The following TRMT2B variants were observed in gnomAD, a reference collection of about 807,000 sequenced individuals.
The protein encoded by TRMT2B is tRNA (uracil-5-)-methyltransferase homolog B.
A neutral mutation model predicts 39.7 loss-of-function variants in TRMT2B; 34 were observed. The observed-to-expected ratio is 0.86, with a 90% CI of 0.65 to 1.14. TRMT2B has a LOEUF of 1.14. TRMT2B is among the 50% of genes most tolerant of loss of function. The probability of loss-of-function intolerance (pLI) is 0.00; values close to 1 mark genes in which losing one functional copy is unlikely to be tolerated. For missense variants in TRMT2B, 318 were observed against 377.2 expected (o/e 0.84, Z 1.30); for synonymous variants, 132 against 137.3 (o/e 0.96, Z 0.27).
At chrX:101,008,495 G>A (rs1032111713), downstream of TRMT2B, among the ~76,000 whole-genome samples, 3 of 110,952 alleles carry the variant, frequency 2.7e-5, no homozygotes, top group Non-Finnish European at 5.7e-5. Flanking sequence ...GGTGGCAGGC[G>A]CCTGTAATCC....
In TRMT2B at chrX:101,037,962, G is replaced by C. The variant is rs749126995; in HGVS notation, c.393C>G (p.Pro131=). 8.3e-7 allele frequency: 1 copy of C among 1,207,790 alleles called. No homozygotes were observed. Among genetic ancestry groups the C allele is most frequent in the South Asian group, 1.8e-5 (1 of 56,704 alleles). ...LNGVSVTTAV[P]KSERLSCLLH... ...GAAGACAAGAGAGCCTCTCAGATTT[G>C]GGTACAGCCGTTGTCACACTGACTC... is the stretch of plus-strand genomic sequence containing the variant. Residue 131 remains proline (P), a synonymous_variant, in exon 5 of 14, where the codon CCC becomes CCG. Coordinates refer to ENST00000372936, the MANE Select transcript of TRMT2B (RefSeq NM_024917.6).
chrX:101,032,018 G>A (rs1192626545), intron 7 of TRMT2B, among the ~76,000 whole-genome samples: 2 of 111,215 alleles, frequency 1.8e-5, no homozygotes, highest in Non-Finnish European at 1.9e-5. Context: ...AGAGGGGACC[G>A]GGGGTGCCTA....
the TRMT2B span, chrX:100,990,346 AG>A: frequency 1.1e-6 from 1 of 927,018 alleles, no homozygotes; most frequent in Non-Finnish European, 1.3e-6. Flanking sequence ...AGAAAGTAAA[AG>A]AAAGTAACAG....
chrX:101,015,861 G>C (rs1191761990), intron 13 of TRMT2B, among the ~76,000 whole-genome samples: 1 of 111,245 alleles, frequency 9.0e-6, no homozygotes, highest in Non-Finnish European at 1.9e-5. Context: ...TCTGACGTCA[G>C]GAGTTTGAGA....
intron 7 of TRMT2B, among the ~76,000 whole-genome samples, chrX:101,025,846 C>T (rs2087040537): frequency 9.0e-6 from 1 of 110,613 alleles, no homozygotes; most frequent in East Asian, 2.8e-4. Flanking sequence ...GTAATCCCAG[C>T]TACTTGGGAG....
chrX:100,990,023 A>G, the TRMT2B span, among the ~76,000 whole-genome samples: 828 of 112,901 alleles, frequency 7.3e-3, 8 homozygotes, highest in African/African-American at 0.025. Flanking sequence ...TTTCCTTTCT[A>G]TAACTCCAGA....
chrX:101,005,458 T>C (rs1883358002), downstream of TRMT2B, among the ~76,000 whole-genome samples: 1 of 110,283 alleles, frequency 9.1e-6, no homozygotes, highest in Non-Finnish European at 1.9e-5. Flanking sequence ...GAATTGGCCA[T>C]AAAAAACATT....
chrX:101,011,765 G>A (rs748122992), intron 13 of TRMT2B, among the ~76,000 whole-genome samples: 4 of 110,916 alleles, frequency 3.6e-5, no homozygotes, highest in African/African-American at 6.6e-5. Context: ...ATGGTGGCTC[G>A]CACCTGTAGT....
chrX:101,017,535 T>A (rs1242909409), intron 13 of TRMT2B, among the ~76,000 whole-genome samples: 5 of 112,049 alleles, frequency 4.5e-5, no homozygotes, highest in Admixed American at 9.6e-5. Context: ...TTTATACCTG[T>A]CTGTTGTTTC....
At chrX:101,015,289 G>C (rs1167030229) in intron 13 of TRMT2B, among the ~76,000 whole-genome samples, 1 of 111,607 alleles carries the variant, frequency 9.0e-6, no homozygotes, top group Non-Finnish European at 1.9e-5. Flanking sequence ...CCATGTGAAA[G>C]GGTATATATA....
At chrX:101,027,376 C>T (rs947454275) in intron 7 of TRMT2B, among the ~76,000 whole-genome samples, 1 of 108,004 alleles carries the variant, frequency 9.3e-6, no homozygotes, top group African/African-American at 3.4e-5. Context: ...GGACTACAGG[C>T]GCACGCCAAC....
In TRMT2B at chrX:101,023,495, G is replaced by C. The variant is rs1333474968; in HGVS notation, c.731C>G (p.Thr244Ser). 5 of 1,209,851 alleles carry C rather than the reference G, an allele frequency of 4.1e-6. No individual in the cohort carries two copies. In the South Asian group the frequency reaches 7.0e-5, roughly 17 times the overall value. Reference protein sequence around the residue: ...NSQGHTMAIITFHPQKLSQEE... With the variant: ...NSQGHTMAIISFHPQKLSQEE... Reference sequence around the variant, plus strand: ...CTGACTTAATTTCTGGGGATGGAAAGTGATGATAGCCATTGTGTGCCCTTG... The same window carrying C: ...CTGACTTAATTTCTGGGGATGGAAACTGATGATAGCCATTGTGTGCCCTTG... Residue 244 changes from threonine (T) to serine (S), a missense_variant, in exon 8 of 14, where the codon ACT becomes AGT. By Grantham distance (58) the Thr-to-Ser change is moderately conservative. Coordinates refer to ENST00000372936, the MANE Select transcript of TRMT2B (RefSeq NM_024917.6).
chrX:101,036,775 G>A lies in TRMT2B; in HGVS notation c.538+199C>T, dbSNP rs370307665. ...TATGGCTTTTAGAGGAAGAAAGGGC[G>A]AGGGTTGCATTTTCTATCACTGTGT... On this transcript the variant is annotated intron_variant, in intron 6 of 13. Coordinates refer to ENST00000372936, the MANE Select transcript of TRMT2B (RefSeq NM_024917.6). 9.8e-5 allele frequency among the ~76,000 whole-genome samples: 11 copies of A among 111,837 alleles called. No homozygotes were observed. In the South Asian group the frequency reaches 1.1e-3, roughly 11 times the overall value.
chrX:101,000,753 C>T, the TRMT2B span, among the ~76,000 whole-genome samples: 2 of 109,470 alleles, frequency 1.8e-5, no homozygotes, highest in Non-Finnish European at 3.8e-5. Flanking sequence ...AAAAATCCAA[C>T]GTGATTCTCA....
At chrX:101,050,372 A>G (rs1289844492) in intron 2 of TRMT2B, among the ~76,000 whole-genome samples, 1 of 111,904 alleles carries the variant, frequency 8.9e-6, no homozygotes, top group Non-Finnish European at 1.9e-5. Flanking sequence ...TCTTAATGTC[A>G]GGGGAGACAT....
At position 101,042,094 on chromosome X, in the gene TRMT2B, T is replaced by A; in HGVS notation, c.196A>T (p.Ser66Cys). 1 of 1,212,019 alleles carries A rather than the reference T, an allele frequency of 8.3e-7. No individual in the cohort carries two copies. The highest frequency in any genetic ancestry group is 1.1e-6 in the Non-Finnish European group (1 of 895,485). ...CCAAGATGGCTTGGTTTCTTCTGAC[T>A]TTTTTGTCCTTTCTGACATTTCGTG... ...IATKCQKGQKSQKKPSHLGPL... is the reference protein window; with the variant it reads ...IATKCQKGQKCQKKPSHLGPL... The change falls in exon 3 of 14, where the codon AGT (serine) becomes TGT (cysteine). Residue 66 changes from serine to cysteine, a missense_variant. Coordinates refer to ENST00000372936, the MANE Select transcript of TRMT2B (RefSeq NM_024917.6).
At position 101,009,675 on chromosome X, in the gene TRMT2B, G is replaced by T. The variant is rs763700748; in HGVS notation, c.*906C>A. On this transcript the variant is annotated 3_prime_UTR_variant, in exon 14 of 14. Transcript: ENST00000372936. ...CCTGCCTCAGCCTCCCGAGTAGCTG[G>T]GATTACAGGTGCCCACCACCAGGGA... The T allele has an allele frequency of 9.8e-6, 1 of 102,193 alleles. No homozygotes were observed. Among genetic ancestry groups the T allele is most frequent in the East Asian group, 3.1e-4 (1 of 3,249 alleles). The allele number at this position is 102,193 out of a possible 1,213,427, so 8.4% of individuals were successfully genotyped here.
At chrX:101,000,417 C>T in the TRMT2B span, among the ~76,000 whole-genome samples, 7 of 111,079 alleles carry the variant, frequency 6.3e-5, no homozygotes, top group African/African-American at 2.0e-4. Context: ...CCACCGCACC[C>T]GGCCTGAGAG....
chrX:101,020,312 C>G (rs1446694432), intron 11 of TRMT2B, among the ~76,000 whole-genome samples, 175 bp downstream of exon 11: 2 of 111,504 alleles, frequency 1.8e-5, no homozygotes, highest in Non-Finnish European at 3.8e-5. Context: ...ATATTGGTAC[C>G]TATTCCAGAA....
Sources: gnomAD v4.1 joint callset for allele counts (sites outside exome capture counted in the v4.1 genomes callset) on GRCh38, gnomAD v4.1.1 for gene constraint, MANE v1.5 for transcripts, NCBI Gene and HGNC (gene_info 2026-07-23, HGNC 2026-07-21) for gene names.